The following RICTOR variants were observed in gnomAD, a reference collection of about 807,000 sequenced individuals.
The protein encoded by RICTOR is rapamycin-insensitive companion of mTOR.
Under a neutral mutation model 214.9 loss-of-function variants are expected in RICTOR, and 49 were observed. The ratio of observed to expected loss-of-function variants is 0.23; its 90% confidence interval spans 0.18 to 0.29. The LOEUF (loss-of-function observed/expected upper bound fraction) is 0.29, where lower values mean the gene tolerates loss of function less well. Ranked by LOEUF, RICTOR falls within the 10% of genes least tolerant of loss-of-function variation. The probability of loss-of-function intolerance (pLI) is 1.00; values close to 1 mark genes in which losing one functional copy is unlikely to be tolerated. For missense variants in RICTOR, 1,625 were observed against 2,047.0 expected (o/e 0.79, Z 3.98); for synonymous variants, 717 against 711.3 (o/e 1.01, Z -0.13).
At chr5:38,951,873 A>C (rs1193971023) in intron 30 of RICTOR, among the ~76,000 whole-genome samples, 1 of 152,040 alleles carries the variant, frequency 6.6e-6, no homozygotes, top group African/African-American at 2.4e-5. Flanking sequence ...AAGATTAAAT[A>C]AAGAAGGTAG....
intron 3 of RICTOR, among the ~76,000 whole-genome samples, chr5:39,019,208 G>A (rs1414093705): frequency 6.6e-6 from 1 of 152,126 alleles, no homozygotes; most frequent in East Asian, 1.9e-4. Context: ...AGTAGGTGCC[G>A]ATACAGAAGC....
At chr5:38,954,972 C>A in intron 26 of RICTOR, 111 bp from the exon 27 acceptor site, 1 of 504,530 alleles carries the variant, frequency 2.0e-6, no homozygotes, top group South Asian at 3.1e-5. Context: ...AACTCTCCAG[C>A]ATAAATAAAA....
chr5:39,041,580 G>T (rs1354748759), intron 2 of RICTOR, among the ~76,000 whole-genome samples: 1 of 151,974 alleles, frequency 6.6e-6, no homozygotes, highest in Non-Finnish European at 1.5e-5. Context: ...ACTTAATAAC[G>T]GCTTAGAGAT....
At chr5:38,945,863 G>T (rs1290515742) in intron 33 of RICTOR, 139 bp from the exon 34 acceptor site, 4 of 523,882 alleles carry the variant, frequency 7.6e-6, no homozygotes, top group South Asian at 3.2e-5. Context: ...AGAATAATTT[G>T]CTTTAAGTTA....
intron 2 of RICTOR, among the ~76,000 whole-genome samples, chr5:39,047,361 A>G (rs769997908): frequency 1.5e-4 from 23 of 152,168 alleles, no homozygotes; most frequent in Non-Finnish European, 2.2e-4. Flanking sequence ...AATAGGGTTC[A>G]TGTTCCTATG....
At chr5:38,949,431 G>A (rs1217804219) in intron 31 of RICTOR, 2 of 1,583,218 alleles carry the variant, frequency 1.3e-6, no homozygotes, top group Admixed American at 3.5e-5. Context: ...ATCGATCCTT[G>A]CAGAAGCGAG....
At chr5:38,997,225 A>G (rs1753247611) in intron 5 of RICTOR, among the ~76,000 whole-genome samples, 1 of 152,200 alleles carries the variant, frequency 6.6e-6, no homozygotes, top group African/African-American at 2.4e-5. Context: ...CAGACATTTT[A>G]TAAAAATTGT....
chr5:38,990,846 T>TAC (rs1752714831), intron 7 of RICTOR, 103 bp downstream of exon 7: 4 of 452,626 alleles, frequency 8.8e-6, no homozygotes, highest in African/African-American at 8.4e-5. Context: ...ATATATGAGA[T>TAC]ATATGATATA....
At chr5:39,044,287 GA>G (rs1180974298) in intron 2 of RICTOR, among the ~76,000 whole-genome samples, 6 of 151,806 alleles carry the variant, frequency 4.0e-5, no homozygotes, top group Admixed American at 1.3e-4. Context: ...AAGCAAGAAC[GA>G]AAAAAAATTT....
chr5:38,953,736 A>G (rs556187507), intron 27 of RICTOR, among the ~76,000 whole-genome samples, 183 bp from the exon 28 acceptor site: 1 of 151,992 alleles, frequency 6.6e-6, no homozygotes, highest in African/African-American at 2.4e-5. Context: ...TTCACATTCT[A>G]GAATTATCAC....
At chr5:38,955,079 G>A (rs1189676070) in intron 26 of RICTOR, among the ~76,000 whole-genome samples, 1 of 151,780 alleles carries the variant, frequency 6.6e-6, no homozygotes, top group South Asian at 2.1e-4. Flanking sequence ...TTTGAGCACT[G>A]ACATGACACT....
At chr5:39,046,425 T>C (rs1224767897) in intron 2 of RICTOR, among the ~76,000 whole-genome samples, 1 of 142,290 alleles carries the variant, frequency 7.0e-6, no homozygotes, top group Non-Finnish European at 1.5e-5. Context: ...TTGTTTTCTA[T>C]CTTTGAAATA....
intron 3 of RICTOR, among the ~76,000 whole-genome samples, chr5:39,004,137 T>C (rs1314275496): frequency 6.6e-6 from 1 of 152,204 alleles, no homozygotes; most frequent in Admixed American, 6.5e-5. Flanking sequence ...ATATTTACCC[T>C]TTTTATTATT....
intron 33 of RICTOR, among the ~76,000 whole-genome samples, chr5:38,946,186 ATACATTGTTCATGTGC>A (rs1291223119): frequency 3.3e-5 from 5 of 152,204 alleles, no homozygotes; most frequent in Non-Finnish European, 7.3e-5. Context: ...GATTAGTGTT[ATACATTGTTCATGTGC>A]TACTTTTAAA....
chr5:39,011,978 T>C (rs1418729850), intron 3 of RICTOR, among the ~76,000 whole-genome samples: 1 of 152,104 alleles, frequency 6.6e-6, no homozygotes, highest in South Asian at 2.1e-4. Flanking sequence ...TGTTTTGAAA[T>C]GTGAGGACAT....
Position 38,967,996 on chromosome 5 carries a change from C to T in RICTOR, c.1007G>A (p.Arg336His), listed in dbSNP as rs777143677. 7 of 1,606,766 alleles carry T rather than the reference C, an allele frequency of 4.4e-6. No individual in the cohort carries two copies. The highest frequency in any genetic ancestry group is 1.7e-5 in the Admixed American group (1 of 59,980). ...GLLEVLYDIF[R>H]LPLPVVTEEF... Reference sequence around the variant, plus strand: ...CTCAGTCACAACAGGTAGAGGAAGACGAAATATATCATAAAGCACTTCAAG... The same window carrying T: ...CTCAGTCACAACAGGTAGAGGAAGATGAAATATATCATAAAGCACTTCAAG... The change falls in exon 12 of 38, where the codon CGT (arginine) becomes CAT (histidine). Residue 336 changes from arginine to histidine, a missense_variant. By Grantham distance (29) the Arg-to-His change is conservative. This residue lies in a region of RICTOR where 258 missense variants were observed against 393.7 expected (regional missense o/e 0.66). Coordinates refer to ENST00000357387, the MANE Select transcript of RICTOR (RefSeq NM_152756.5).
intron 6 of RICTOR, among the ~76,000 whole-genome samples, chr5:38,992,571 G>T (rs761764318): frequency 2.6e-5 from 4 of 152,140 alleles, no homozygotes; most frequent in Non-Finnish European, 4.4e-5. Flanking sequence ...TGTATGAACA[G>T]ATGATTTCTA....
intron 11 of RICTOR, chr5:38,970,821 A>ATCGTTAAAAT (rs1750716413): frequency 6.6e-6 from 1 of 152,238 alleles, no homozygotes; most frequent in Non-Finnish European, 1.5e-5. Flanking sequence ...CATTTTAATC[A>ATCGTTAAAAT]AAACCACCAT....
intron 5 of RICTOR, 91 bp from the exon 6 acceptor site, chr5:38,996,973 A>G (rs535157448): frequency 2.6e-5 from 21 of 818,304 alleles, no homozygotes; most frequent in Non-Finnish European, 4.1e-5. Flanking sequence ...CATTTTCACA[A>G]TGTCAATATG....
Sources: gnomAD v4.1 joint callset for allele counts (sites outside exome capture counted in the v4.1 genomes callset) on GRCh38, gnomAD v4.1.1 for gene constraint, gnomAD v4.1.1 regional missense constraint, MANE v1.5 for transcripts, NCBI Gene and HGNC (gene_info 2026-07-23, HGNC 2026-07-21) for gene names.